Variants in OTUD7A observed in about 807,000 individuals in gnomAD.
OTUD7A encodes the protein OTU deubiquitinase 7A.
In OTUD7A, 12 loss-of-function variants were observed where a neutral mutation model predicts 65.7. That is an observed-to-expected ratio of 0.18 (90% CI 0.12 to 0.30). The LOEUF (loss-of-function observed/expected upper bound fraction) is 0.30. Ranked by LOEUF, OTUD7A falls within the 10% of genes least tolerant of loss-of-function variation. The pLI is 1.00. For synonymous variants in OTUD7A, 641 were observed against 586.3 expected (o/e 1.09, Z -1.35); for missense variants, 1,148 against 1,304.8 (o/e 0.88, Z 1.85).
In OTUD7A at chr15:31,863,535, G is replaced by A. The variant is rs530578470; in HGVS notation, c.-100+6972C>T. ...GCACCTGGAAGCTGCTAAGGTTTGA[G>A]GCTTCCACCCTCTGAAGTCACAGCC... On this transcript the variant is annotated intron_variant, in intron 1 of 12. Coordinates refer to ENST00000307050, the MANE Select transcript of OTUD7A (RefSeq NM_001382637.1). Among the ~76,000 whole-genome samples, 53 of 152,320 alleles carry A rather than the reference G, an allele frequency of 3.5e-4. No individual in the cohort carries two copies. In the South Asian group the frequency reaches 3.9e-3, roughly 11 times the overall value.
At chr15:31,640,526 G>A (rs1362685888) in intron 3 of OTUD7A, among the ~76,000 whole-genome samples, 6 of 152,062 alleles carry the variant, frequency 3.9e-5, no homozygotes, top group Non-Finnish European at 8.8e-5. Flanking sequence ...TTTTGCATAT[G>A]AGTGAGATGT....
At chr15:31,685,648 G>C (rs1055163377) in intron 1 of OTUD7A, among the ~76,000 whole-genome samples, 32 of 152,200 alleles carry the variant, frequency 2.1e-4, no homozygotes, top group African/African-American at 7.7e-4. Context: ...GACAGAGCGA[G>C]ACTCCGTCTC....
chr15:31,585,171 A>C (rs1388251078), intron 3 of OTUD7A, among the ~76,000 whole-genome samples: 2 of 152,154 alleles, frequency 1.3e-5, no homozygotes, highest in Admixed American at 1.3e-4. Context: ...TGGATGGGTG[A>C]GGATTTGACA....
At position 31,503,686 on chromosome 15, in the gene OTUD7A, C is replaced by T. The variant is rs1370542897; in HGVS notation, c.1021+5G>A. On this transcript the variant is annotated splice_donor_5th_base_variant and intron_variant, in intron 9 of 12. Transcript: ENST00000307050. Reference sequence around the variant, plus strand: ...GAATACAACACATCTCTTTGAGGAACTTACCTTCTCCACCTGAGTCTCTTA... The same window carrying T: ...GAATACAACACATCTCTTTGAGGAATTTACCTTCTCCACCTGAGTCTCTTA... 6.2e-7 allele frequency: 1 copy of T among 1,614,074 alleles called. No homozygotes were observed. The highest frequency in any genetic ancestry group is 8.5e-7 in the Non-Finnish European group (1 of 1,180,038).
Position 31,483,468 on chromosome 15 carries a change from C to A in OTUD7A, c.2628G>T (p.Ala876=). ...ACTCACCGTTCGAGCGCGCGGTCGG[C>A]GCGTCGGCGTCGGCGAACTCCAGGC... ...RDGLEFADAD[A]PTARSNGECG... is the part of the protein sequence containing the mutation. Residue 876 remains alanine (A), a synonymous_variant, in exon 13 of 13, where the codon GCG becomes GCT. Transcript: ENST00000307050. The A allele has an allele frequency of 1.4e-6, 2 of 1,382,952 alleles. No individual in the cohort carries two copies. Among genetic ancestry groups the A allele is most frequent in the Non-Finnish European group, 1.9e-6 (2 of 1,068,068 alleles). 85.7% of individuals were successfully genotyped at this position (1,382,952 alleles called of 1,614,324 possible).
intron 3 of OTUD7A, among the ~76,000 whole-genome samples, chr15:31,573,232 A>G (rs1263195861): frequency 1.3e-5 from 2 of 152,198 alleles, no homozygotes; most frequent in Admixed American, 6.5e-5. Flanking sequence ...AAAGAAAGCA[A>G]TATGAGCTAA....
intron 8 of OTUD7A, among the ~76,000 whole-genome samples, chr15:31,520,092 A>G (rs2041917511): frequency 6.6e-6 from 1 of 152,216 alleles, no homozygotes. Context: ...ATTCAATACA[A>G]TCCCTATCAA....
intron 1 of OTUD7A, among the ~76,000 whole-genome samples, chr15:31,864,272 C>T (rs890568098): frequency 6.6e-6 from 1 of 152,234 alleles, no homozygotes; most frequent in Non-Finnish European, 1.5e-5. Flanking sequence ...TCCAAAGTCA[C>T]TTCCACATTT....
intron 3 of OTUD7A, among the ~76,000 whole-genome samples, chr15:31,600,375 A>G (rs537130503): frequency 3.3e-5 from 5 of 152,338 alleles, no homozygotes; most frequent in African/African-American, 1.2e-4. Flanking sequence ...TCATAAGTGA[A>G]GGAGAAATAA....
At chr15:31,637,626 C>T (rs1469336989) in intron 3 of OTUD7A, among the ~76,000 whole-genome samples, 2 of 152,196 alleles carry the variant, frequency 1.3e-5, no homozygotes, top group African/African-American at 2.4e-5. Context: ...GGGCAAAGTA[C>T]ATTGAAAACC....
Position 31,678,454 on chromosome 15 carries a change from C to A in OTUD7A, c.-99-21377G>T, listed in dbSNP as rs901330940. ...GTCTTCACAGCAGCCCCTCCCATCA[C>A]AAGCCAGGAGGCCTAGGAGGAAAAA... On this transcript the variant is annotated intron_variant, in intron 1 of 12. Transcript: ENST00000307050. Among the ~76,000 whole-genome samples, 3 of 152,314 alleles carry A rather than the reference C, an allele frequency of 2.0e-5. No homozygotes were observed. In the South Asian group the frequency reaches 6.2e-4, roughly 32 times the overall value.
chr15:31,547,992 A>G (rs921224040), intron 5 of OTUD7A, among the ~76,000 whole-genome samples: 3 of 152,226 alleles, frequency 2.0e-5, no homozygotes, highest in Non-Finnish European at 4.4e-5. Flanking sequence ...GCTGTGCTGG[A>G]ACTGCCGCAA....
At chr15:31,610,593 TTATATATATATATA>T (rs1244768576) in intron 3 of OTUD7A, among the ~76,000 whole-genome samples, 1 of 81,020 alleles carries the variant, frequency 1.2e-5, no homozygotes, top group Non-Finnish European at 2.1e-5. Flanking sequence ...AAAAATGAAA[TTATATATATATATA>T]TATATATATA....
intron 1 of OTUD7A, among the ~76,000 whole-genome samples, chr15:31,791,222 T>C (rs1367249931): frequency 6.6e-6 from 1 of 152,110 alleles, no homozygotes; most frequent in Non-Finnish European, 1.5e-5. Flanking sequence ...AGACGGGGTT[T>C]CACCATGTTG....
At chr15:31,756,965 C>A (rs1380780301) in intron 1 of OTUD7A, among the ~76,000 whole-genome samples, 1 of 152,134 alleles carries the variant, frequency 6.6e-6, no homozygotes, top group Non-Finnish European at 1.5e-5. Flanking sequence ...GGAAACCATC[C>A]TCTTCCTCAA....
At chr15:31,512,912 TTAC>T (rs1248265061) in intron 8 of OTUD7A, among the ~76,000 whole-genome samples, 1 of 152,250 alleles carries the variant, frequency 6.6e-6, no homozygotes, top group Non-Finnish European at 1.5e-5. Context: ...CTAAAAGAAG[TTAC>T]TATTTATTTT....
At chr15:31,525,611 T>C (rs2042000011) in intron 8 of OTUD7A, among the ~76,000 whole-genome samples, 1 of 152,248 alleles carries the variant, frequency 6.6e-6, no homozygotes, top group Non-Finnish European at 1.5e-5. Flanking sequence ...TCCCTGGTGT[T>C]ACTGCTCACA....
chr15:31,552,337 T>G (rs964966602), intron 5 of OTUD7A, among the ~76,000 whole-genome samples: 3 of 152,340 alleles, frequency 2.0e-5, no homozygotes, highest in East Asian at 1.9e-4. Context: ...GACAATAGGA[T>G]TTGAGACACC....
chr15:31,729,465 G>A (rs1186298926), intron 1 of OTUD7A, among the ~76,000 whole-genome samples: 12 of 152,120 alleles, frequency 7.9e-5, no homozygotes, highest in South Asian at 6.2e-4. Context: ...ACATTAATAC[G>A]GAAGCTTGCA....
Sources: gnomAD v4.1 joint callset for allele counts (sites outside exome capture counted in the v4.1 genomes callset) on GRCh38, gnomAD v4.1.1 for gene constraint, MANE v1.5 for transcripts, NCBI Gene and HGNC (gene_info 2026-07-23, HGNC 2026-07-21) for gene names.